The following INTU variants were observed in gnomAD, a reference collection of about 807,000 sequenced individuals.
INTU encodes the protein protein inturned.
In INTU, 68 loss-of-function variants were observed where a neutral mutation model predicts 100.5. The ratio of observed to expected loss-of-function variants is 0.68; its 90% CI spans 0.56 to 0.83. The LOEUF (loss-of-function observed/expected upper bound fraction) is 0.83. Ranked by LOEUF, INTU falls within the 40% of genes least tolerant of loss-of-function variation. INTU has a pLI of 0.00. For synonymous variants in INTU, 357 were observed against 395.7 expected (o/e 0.90, Z 1.16); for missense variants, 1,071 against 1,114.7 (o/e 0.96, Z 0.56).
intron 1 of INTU, 99 bp from the exon 2 acceptor site, chr4:127,643,422 C>G: frequency 1.2e-6 from 1 of 825,696 alleles, no homozygotes; most frequent in East Asian, 2.6e-5. Flanking sequence ...TTCCCATCTT[C>G]CTGCTCCCCA....
chr4:127,633,093 C>T lies in INTU; in HGVS notation c.59C>T (p.Pro20Leu), dbSNP rs187348525. ...RPSSDELPGD[P>L]SSQEEDEDYD... Reference sequence around the variant, plus strand: ...AGCTCAGACGAGCTCCCTGGAGACCCCTCTTCACAAGAAGAAGATGAGGAC... The same window carrying T: ...AGCTCAGACGAGCTCCCTGGAGACCTCTCTTCACAAGAAGAAGATGAGGAC... Residue 20 changes from proline to leucine, a missense_variant, in exon 1 of 16, where the codon CCC (proline) becomes CTC (leucine). Transcript: ENST00000335251. 8.1e-6 allele frequency: 13 copies of T among 1,613,968 alleles called. No homozygotes were observed. The highest frequency in any genetic ancestry group is 1.3e-5 in the African/African-American group (1 of 75,040).
rs745465473 is a variant in INTU at position 127,706,780 on chromosome 4, A to G, written c.2082A>G (p.Arg694=). 77 of 1,613,980 alleles carry G rather than the reference A, an allele frequency of 4.8e-5. No homozygotes were observed. Among genetic ancestry groups the G allele is most frequent in the Non-Finnish European group, 6.3e-5 (74 of 1,179,974 alleles). The part of the protein sequence containing the change: ...SKVATSPTCR[R]TLFGDYSLKT... ...TAGCAACTTCTCCAACATGCAGAAG[A>G]ACGCTTTTTGGTGACTATTCCTTAA... Residue 694 remains arginine (R), a synonymous_variant, in exon 12 of 16, where the codon AGA becomes AGG. Coordinates refer to ENST00000335251, the MANE Select transcript of INTU (RefSeq NM_015693.4).
intron 4 of INTU, among the ~76,000 whole-genome samples, chr4:127,668,696 A>G (rs929694717): frequency 1.3e-5 from 2 of 151,818 alleles, no homozygotes; most frequent in African/African-American, 4.8e-5. Context: ...TTAACAAACT[A>G]TAATAAAATA....
chr4:127,701,089 C>G (rs1371629333), intron 9 of INTU, among the ~76,000 whole-genome samples: 1 of 152,064 alleles, frequency 6.6e-6, no homozygotes, highest in Non-Finnish European at 1.5e-5. Context: ...TATGTTGTTC[C>G]TGATGGAAGC....
intron 6 of INTU, among the ~76,000 whole-genome samples, chr4:127,681,375 C>A (rs1206644032): frequency 2.0e-4 from 31 of 152,208 alleles, no homozygotes; most frequent in Middle Eastern, 3.4e-3. Flanking sequence ...ACAGTAACCA[C>A]AACAGCATGG....
intron 6 of INTU, among the ~76,000 whole-genome samples, chr4:127,678,130 G>T (rs28765108): frequency 0.038 from 5,733 of 152,282 alleles, 366 homozygotes; most frequent in African/African-American, 0.13. Context: ...TCTGATTGGT[G>T]TACCTGAAAG....
chr4:127,681,282 G>T (rs989716047), intron 6 of INTU, among the ~76,000 whole-genome samples: 1 of 152,010 alleles, frequency 6.6e-6, no homozygotes, highest in Admixed American at 6.6e-5. Context: ...CAAAAAAGAG[G>T]CCGCATCGCC....
chr4:127,652,399 A>G (rs1364902918), intron 2 of INTU, among the ~76,000 whole-genome samples: 33 of 146,922 alleles, frequency 2.2e-4, no homozygotes, highest in Admixed American at 5.4e-4. Flanking sequence ...CGTCCCATCA[A>G]TACCTAATTT....
At chr4:127,707,127 A>C (rs899063307) in intron 12 of INTU, among the ~76,000 whole-genome samples, 158 bp downstream of exon 12, 2 of 152,180 alleles carry the variant, frequency 1.3e-5, no homozygotes, top group Non-Finnish European at 2.9e-5. Flanking sequence ...TGAACCAAAA[A>C]GAAAAAGAAA....
chr4:127,708,058 A>G (rs965571987), intron 12 of INTU, among the ~76,000 whole-genome samples: 3 of 152,222 alleles, frequency 2.0e-5, no homozygotes, highest in Admixed American at 2.0e-4. Context: ...AAGTACTTAC[A>G]TCAGTACCAT....
At position 127,717,272 on chromosome 4, in the gene INTU, G is replaced by C. The variant is rs1333762369; in HGVS notation, c.*836G>C. 1.3e-5 allele frequency: 2 copies of C among 152,154 alleles called. No individual in the cohort carries two copies. The highest frequency in any genetic ancestry group is 2.9e-5 in the Non-Finnish European group (2 of 68,028). The allele number at this position is 152,154 out of a possible 1,614,324, so 9.4% of individuals were successfully genotyped here. A position where few individuals can be genotyped will look rare whatever the true frequency, so the allele number is the denominator to read the frequency against. ...TCTGTTCCTGCATTAGTTTGCTGAG[G>C]ATAATGGCTTCCAGCTTCATCCATG... On this transcript the variant is annotated 3_prime_UTR_variant, in exon 16 of 16. Transcript: ENST00000335251.
At chr4:127,693,134 A>C (rs1295995288) in intron 8 of INTU, among the ~76,000 whole-genome samples, 1 of 152,020 alleles carries the variant, frequency 6.6e-6, no homozygotes, top group Non-Finnish European at 1.5e-5. Flanking sequence ...TGGTATTTTG[A>C]TGGGAATTGC....
At chr4:127,691,962 G>GTGTGTATATA in intron 8 of INTU, among the ~76,000 whole-genome samples, 10 of 98,246 alleles carry the variant, frequency 1.0e-4, no homozygotes, top group Admixed American at 4.1e-4. Context: ...TCCATGGTAT[G>GTGTGTATATA]TATATATATA....
At chr4:127,685,366 A>T in intron 7 of INTU, 3 of 441,590 alleles carry the variant, frequency 6.8e-6, no homozygotes, top group Admixed American at 4.9e-5. Flanking sequence ...AAGGCAGTTT[A>T]TACATTTTTC....
Position 127,723,834 on chromosome 4 carries a change from G to A in INTU, c.*7398G>A, listed in dbSNP as rs1165836886. 6.6e-6 allele frequency: 1 copy of A among 151,806 alleles called. No individual in the cohort carries two copies. Among genetic ancestry groups the A allele is most frequent in the South Asian group, 2.1e-4 (1 of 4,796 alleles). The allele number at this position is 151,806 out of a possible 1,614,324, so 9.4% of individuals were successfully genotyped here. On this transcript the variant is annotated 3_prime_UTR_variant, in exon 16 of 16. Transcript: ENST00000335251. The stretch of plus-strand genomic sequence containing the variant: ...AAAACACCAAAATTAGCCGGGTGTG[G>A]TAGCACTCTCTTTTAACAGTCCCAG...
chr4:127,709,711 T>TCACACACACACA (rs3066389), intron 13 of INTU, among the ~76,000 whole-genome samples: 7,836 of 143,262 alleles, frequency 0.055, 335 homozygotes, highest in East Asian at 0.22. Context: ...CTAATAGAAT[T>TCACACACACACA]CACACACACA....
At chr4:127,659,345 G>T (rs921597784) in intron 3 of INTU, among the ~76,000 whole-genome samples, 3 of 152,100 alleles carry the variant, frequency 2.0e-5, no homozygotes, top group East Asian at 3.9e-4. Flanking sequence ...AGAGGAGTAT[G>T]GAAGGAAAGG....
rs1280455831 is a variant in INTU at position 127,663,366 on chromosome 4, T to C, written c.769-15T>C. ...CCCTTGTCGAAAAGTCAACACATTG[T>C]TTTAATTTTTAAAGGTGAAACTGAC... On this transcript the variant is annotated splice_polypyrimidine_tract_variant and intron_variant, in intron 3 of 15. Coordinates refer to ENST00000335251, the MANE Select transcript of INTU (RefSeq NM_015693.4). 6.2e-7 allele frequency: 1 copy of C among 1,602,398 alleles called. No individual in the cohort carries two copies. The highest frequency in any genetic ancestry group is 2.2e-5 in the East Asian group (1 of 44,718).
chr4:127,656,167 A>G (rs1728209848), intron 2 of INTU, among the ~76,000 whole-genome samples: 1 of 152,192 alleles, frequency 6.6e-6, no homozygotes, highest in Admixed American at 6.5e-5. Flanking sequence ...ATGGAAATGC[A>G]GAAATCACCT....
Sources: gnomAD v4.1 joint callset for allele counts (sites outside exome capture counted in the v4.1 genomes callset) on GRCh38, gnomAD v4.1.1 for gene constraint, MANE v1.5 for transcripts, NCBI Gene and HGNC (gene_info 2026-07-23, HGNC 2026-07-21) for gene names.